Variants in UBE3B observed in about 807,000 individuals in gnomAD.
UBE3B encodes the protein ubiquitin protein ligase E3B, also known as ubiquitin-protein ligase E3B.
In UBE3B, 80 loss-of-function variants were observed where a neutral mutation model predicts 132.3. The observed-to-expected ratio is 0.60, with a 90% CI of 0.50 to 0.73. The LOEUF (loss-of-function observed/expected upper bound fraction) is 0.73, where lower values mean the gene tolerates loss of function less well. Among genes scored for constraint, UBE3B ranks in the 30% least tolerant of loss-of-function variants. The pLI, the probability that UBE3B is intolerant of heterozygous loss-of-function variation, is 0.00. For missense variants in UBE3B, 1,196 were observed against 1,362.5 expected (o/e 0.88, Z 1.92); for synonymous variants, 487 against 520.4 (o/e 0.94, Z 0.87).
chr12:109,496,580 A>G (rs1460497001), intron 9 of UBE3B, among the ~76,000 whole-genome samples: 1 of 152,136 alleles, frequency 6.6e-6, no homozygotes, highest in Non-Finnish European at 1.5e-5. Flanking sequence ...TAGCCATCCC[A>G]GTGGCTGTAC....
At chr12:109,515,618 C>T (rs918413481) in intron 18 of UBE3B, among the ~76,000 whole-genome samples, 1 of 152,212 alleles carries the variant, frequency 6.6e-6, no homozygotes, top group Non-Finnish European at 1.5e-5. Flanking sequence ...ATCCACCTGC[C>T]TCGGCCTCTC....
At position 109,510,533 on chromosome 12, in the gene UBE3B, T is replaced by G. The variant is rs964747258; in HGVS notation, c.1856+75T>G. 6 of 1,216,848 alleles carry G rather than the reference T, an allele frequency of 4.9e-6. No homozygotes were observed. The African/African-American group carries it at 8.9e-5, about 18-fold the overall frequency. The allele number at this position is 1,216,848 out of a possible 1,614,324, so 75.4% of individuals were successfully genotyped here. A position where few individuals can be genotyped will look rare whatever the true frequency, so the allele number is the denominator to read the frequency against. ...ACGCTGCCCGAGCACTCAGCTCTCA[T>G]GTTCTAGGGCAGAGAGGACTTTTTC... On this transcript the variant is annotated intron_variant, in intron 17 of 27. Transcript: ENST00000342494.
chr12:109,486,694 C>T, intron 6 of UBE3B, 119 bp downstream of exon 6: 1 of 811,794 alleles, frequency 1.2e-6, no homozygotes. Context: ...GCTAGTTGAG[C>T]CACTGTTCTG....
In UBE3B at chr12:109,521,378, G is replaced by A; in HGVS notation, c.2253+54G>A. On this transcript the variant is annotated intron_variant, in intron 20 of 27. Transcript: ENST00000342494. The surrounding 1 kb of genome is among the most constrained non-coding windows in gnomAD (Gnocchi z 4.2). ...ACAGCAGCCAGATTCAAGAAGTGAA[G>A]AGCTGGGCTTGCTCCTTGCAAGGCA... 6.2e-7 allele frequency: 1 copy of A among 1,603,106 alleles called. No individual in the cohort carries two copies.
At chr12:109,499,521 A>C (rs1296304801) in intron 11 of UBE3B, 112 bp from the exon 12 acceptor site, 1 of 1,125,286 alleles carries the variant, frequency 8.9e-7, no homozygotes, top group Non-Finnish European at 1.2e-6. Context: ...CTTATGTGGA[A>C]ATTTCTTGCT....
chr12:109,477,657 G>C lies in UBE3B; in HGVS notation c.-580G>C, dbSNP rs1297097951. On this transcript the variant is annotated 5_prime_UTR_variant, in exon 1 of 28. Transcript: ENST00000342494. ...GCGAACACCGCGGGGCAAGATGGCG[G>C]TAGTGCGTCGGCTGCTGCCCCGGGT... 4.5e-6 allele frequency: 1 copy of C among 220,898 alleles called. No homozygotes were observed. Among genetic ancestry groups the C allele is most frequent in the Non-Finnish European group, 9.1e-6 (1 of 109,466 alleles). The allele number at this position is 220,898 out of a possible 1,614,324, so 13.7% of individuals were successfully genotyped here. A position where few individuals can be genotyped will look rare whatever the true frequency, so the allele number is the denominator to read the frequency against.
chr12:109,531,043 T>C (rs2241206), intron 26 of UBE3B, among the ~76,000 whole-genome samples: 19,041 of 152,224 alleles, frequency 0.13, 1,471 homozygotes, highest in Non-Finnish European at 0.17. Flanking sequence ...AAGCAAAATA[T>C]TAAACAATTG....
chr12:109,521,663 C>T lies in UBE3B; in HGVS notation c.2364+112C>T. ...GGCCATGTAAACTGTCACTAGGATACAAGCGAGGACAGGGGCAGGAACCAA... is the reference window on the plus strand; with the variant it reads ...GGCCATGTAAACTGTCACTAGGATATAAGCGAGGACAGGGGCAGGAACCAA... On this transcript the variant is annotated intron_variant, in intron 21 of 27. Transcript: ENST00000342494. The surrounding 1 kb of genome is among the most constrained non-coding windows in gnomAD (Gnocchi z 4.2). 1 of 985,782 alleles carries T rather than the reference C, an allele frequency of 1.0e-6. No individual in the cohort carries two copies. Among genetic ancestry groups the T allele is most frequent in the Non-Finnish European group, 1.4e-6 (1 of 693,826 alleles). The allele number at this position is 985,782 out of a possible 1,614,324, so 61.1% of individuals were successfully genotyped here.
intron 12 of UBE3B, among the ~76,000 whole-genome samples, 157 bp downstream of exon 12, chr12:109,499,967 A>T (rs977300796): frequency 2.6e-5 from 4 of 152,246 alleles, no homozygotes; most frequent in African/African-American, 9.6e-5. Flanking sequence ...ACAAAAGAGG[A>T]TAAAAACCAG....
intron 9 of UBE3B, chr12:109,491,799 T>A (rs1877501841): frequency 6.6e-6 from 1 of 152,210 alleles, no homozygotes; most frequent in South Asian, 2.1e-4. Context: ...TCTGCCCCCA[T>A]CTGTGGATCT....
chr12:109,510,208 A>G, intron 16 of UBE3B, 136 bp from the exon 17 acceptor site: 1 of 718,854 alleles, frequency 1.4e-6, no homozygotes, highest in East Asian at 2.7e-5. Flanking sequence ...GTGCCTTTTA[A>G]TTCTGTCGGT....
At chr12:109,547,188 G>A in the UBE3B span, among the ~76,000 whole-genome samples, 2 of 152,202 alleles carry the variant, frequency 1.3e-5, no homozygotes, top group African/African-American at 2.4e-5. The surrounding 1 kb of genome is among the most constrained non-coding windows in gnomAD (Gnocchi z 4.1). Context: ...ATATCCACAA[G>A]AGGCGTCCTG....
the UBE3B span, among the ~76,000 whole-genome samples, chr12:109,543,002 G>A: frequency 8.6e-5 from 13 of 152,000 alleles, no homozygotes; most frequent in South Asian, 1.2e-3. Flanking sequence ...CACAGGAACC[G>A]GCAGCTGCTG....
chr12:109,540,253 T>C (rs1274902282), downstream of UBE3B, among the ~76,000 whole-genome samples: 1 of 152,066 alleles, frequency 6.6e-6, no homozygotes, highest in Non-Finnish European at 1.5e-5. Flanking sequence ...CCAGGCTGGA[T>C]CAAGATTGCC....
intron 5 of UBE3B, 36 bp downstream of exon 5, chr12:109,486,107 T>C: frequency 6.4e-7 from 1 of 1,552,220 alleles, no homozygotes; most frequent in Non-Finnish European, 8.7e-7. Flanking sequence ...TCCCACAAGC[T>C]CTTAAGGGCC....
At chr12:109,498,456 T>C (rs578166494) in intron 11 of UBE3B, 103 bp downstream of exon 11, 15 of 1,333,280 alleles carry the variant, frequency 1.1e-5, no homozygotes, top group African/African-American at 1.0e-4. Flanking sequence ...TCTGTAACAA[T>C]TGGAAGTGCT....
chr12:109,499,600 G>C, intron 11 of UBE3B, 33 bp from the exon 12 acceptor site: 1 of 1,536,662 alleles, frequency 6.5e-7, no homozygotes, highest in Non-Finnish European at 8.8e-7. Flanking sequence ...ATGTTTGTCT[G>C]GGCCCATCAC....
In UBE3B at chr12:109,510,400, G is replaced by T; in HGVS notation, c.1798G>T (p.Val600Leu). The change falls in exon 17 of 28, where the codon GTG becomes TTG. Residue 600 changes from valine (V) to leucine (L), a missense_variant. Coordinates refer to ENST00000342494, the MANE Select transcript of UBE3B (RefSeq NM_130466.4). ...LFQSVHGWLM[V>L]LYERDCRRRF... ...CCAGTCTGTCCACGGGTGGCTTATG[G>T]TGCTGTACGAGCGGGACTGCCGGCG... is the stretch of plus-strand genomic sequence containing the variant. The T allele has an allele frequency of 6.2e-7, 1 of 1,613,172 alleles. No homozygotes were observed. Among genetic ancestry groups the T allele is most frequent in the Non-Finnish European group, 8.5e-7 (1 of 1,179,706 alleles).
At chr12:109,524,625 C>A in intron 23 of UBE3B, 122 bp downstream of exon 23, 1 of 1,070,940 alleles carries the variant, frequency 9.3e-7, no homozygotes, top group South Asian at 1.5e-5. Flanking sequence ...CCCTTGTCCT[C>A]CCCACCCCTC....
Sources: allele counts gnomAD v4.1 joint callset (sites outside exome capture counted in the v4.1 genomes callset), GRCh38; gene constraint gnomAD v4.1.1; non-coding constraint Gnocchi (gnomAD v3.1); transcripts MANE v1.5; gene names NCBI Gene and HGNC (gene_info 2026-07-23, HGNC 2026-07-21).